The following MLLT3 variants were observed in gnomAD, a reference collection of about 807,000 sequenced individuals.
The protein encoded by MLLT3 is protein AF-9.
MLLT3 carries 4 observed loss-of-function variants against 53.2 expected under a neutral mutation model. The ratio of observed to expected loss-of-function variants is 0.08; its 90% CI spans 0.04 to 0.17. The LOEUF (loss-of-function observed/expected upper bound fraction) is 0.17. MLLT3 is among the 10% of genes least tolerant of loss of function. The pLI is 1.00. For missense variants in MLLT3, 569 were observed against 684.0 expected, an observed-to-expected ratio of 0.83 and a Z score of 1.87; for synonymous variants, 283 against 230.6, an observed-to-expected ratio of 1.23 and a Z score of -2.06.
chr9:20,510,212 A>T (rs564614439), intron 2 of MLLT3, among the ~76,000 whole-genome samples: 3 of 152,320 alleles, frequency 2.0e-5, no homozygotes, highest in Non-Finnish European at 4.4e-5. Context: ...AAGCAAAAAG[A>T]ATCCAAGAAG....
chr9:20,613,855 G>GTATACC (rs1046218116), intron 2 of MLLT3, among the ~76,000 whole-genome samples: 16 of 152,104 alleles, frequency 1.1e-4, no homozygotes, highest in African/African-American at 3.6e-4. Context: ...TTTTAACTCT[G>GTATACC]TATACCTTTT....
At chr9:20,539,180 C>A (rs1710589525) in intron 2 of MLLT3, among the ~76,000 whole-genome samples, 1 of 152,320 alleles carries the variant, frequency 6.6e-6, no homozygotes, top group East Asian at 1.9e-4. Flanking sequence ...ACAGATTTCC[C>A]TGTGGCATGT....
At chr9:20,369,213 G>C (rs1211266445) in intron 5 of MLLT3, among the ~76,000 whole-genome samples, 1 of 152,102 alleles carries the variant, frequency 6.6e-6, no homozygotes, top group Non-Finnish European at 1.5e-5. Flanking sequence ...GAATTAGCTG[G>C]GAGAAGCCTA....
At chr9:20,416,993 C>G (rs915906960) in intron 4 of MLLT3, among the ~76,000 whole-genome samples, 1 of 151,550 alleles carries the variant, frequency 6.6e-6, no homozygotes, top group Non-Finnish European at 1.5e-5. Flanking sequence ...GTCACTGACA[C>G]AGAATAAAAG....
chr9:20,622,041 G>A, intron 1 of MLLT3: 1 of 483,824 alleles, frequency 2.1e-6, no homozygotes, highest in Non-Finnish European at 2.6e-6. Context: ...GAGTGTGTGT[G>A]TGTCTGTGTG....
intron 2 of MLLT3, among the ~76,000 whole-genome samples, chr9:20,457,106 T>G (rs1010163211): frequency 2.6e-5 from 4 of 152,144 alleles, no homozygotes; most frequent in Non-Finnish European, 2.9e-5. Flanking sequence ...AAACTGATGA[T>G]TGCTCCCTAT....
chr9:20,408,249 G>A (rs146035294), intron 5 of MLLT3, among the ~76,000 whole-genome samples: 54 of 151,012 alleles, frequency 3.6e-4, no homozygotes, highest in African/African-American at 1.3e-3. Flanking sequence ...ACTGAAACAC[G>A]GAAACAAAAA....
In MLLT3 at chr9:20,620,638, T is replaced by G. The variant is rs774890401; in HGVS notation, c.193+16A>C. 5.3e-5 allele frequency: 85 copies of G among 1,610,308 alleles called. No homozygotes were observed. Among genetic ancestry groups the G allele is most frequent in the Non-Finnish European group, 7.0e-5 (83 of 1,177,476 alleles). On this transcript the variant is annotated intron_variant, in intron 2 of 10. Transcript: ENST00000380338. This position sits in a 1 kb window ranked among gnomAD's most constrained non-coding sequence, Gnocchi z 6.1. ...AAGACATTTTTTATCAAGACCCTTT[T>G]GTATTCGAGCCCTACCTCTTTTTGG...
In MLLT3 at chr9:20,507,880, A is replaced by G. The variant is rs147118487; in HGVS notation, c.194-51094T>C. Among the ~76,000 whole-genome samples, 30 of 152,304 alleles carry G rather than the reference A, an allele frequency of 2.0e-4. 1 individual carries two copies. In the East Asian group the frequency reaches 5.6e-3, roughly 28 times the overall value. Reference sequence around the variant, plus strand: ...ACAATAAGAATCTATAACAATCCAAATAAAGTATGCCTAAAATCATGATTA... The same window carrying G: ...ACAATAAGAATCTATAACAATCCAAGTAAAGTATGCCTAAAATCATGATTA... On this transcript the variant is annotated intron_variant, in intron 2 of 10. Transcript: ENST00000380338.
At chr9:20,446,141 T>A (rs1203576509) in intron 4 of MLLT3, among the ~76,000 whole-genome samples, 1 of 152,328 alleles carries the variant, frequency 6.6e-6, no homozygotes, top group South Asian at 2.1e-4. Context: ...TAATGAATTT[T>A]TAAATGCTTA....
At chr9:20,584,190 C>T (rs1281139892) in intron 2 of MLLT3, among the ~76,000 whole-genome samples, 1 of 152,196 alleles carries the variant, frequency 6.6e-6, no homozygotes, top group African/African-American at 2.4e-5. Flanking sequence ...TAACAAGAGT[C>T]ACCTTTGCTC....
chr9:20,551,409 C>T (rs968416094), intron 2 of MLLT3, among the ~76,000 whole-genome samples: 6 of 152,132 alleles, frequency 3.9e-5, no homozygotes, highest in Non-Finnish European at 7.4e-5. Context: ...TTTCATTTTC[C>T]CAACTTCCTT....
Position 20,457,691 on chromosome 9 carries a change from T to G in MLLT3, c.194-905A>C, listed in dbSNP as rs886251998. ...CCAATATACATGTAAACACTTAAGA[T>G]CTAATCACATCATAAGAATACATAA... On this transcript the variant is annotated intron_variant, in intron 2 of 10. Transcript: ENST00000380338. 3.9e-5 allele frequency among the ~76,000 whole-genome samples: 6 copies of G among 152,232 alleles called. 1 individual carries two copies. Among genetic ancestry groups the G allele is most frequent in the South Asian group, 4.2e-4 (2 of 4,818 alleles).
intron 2 of MLLT3, among the ~76,000 whole-genome samples, chr9:20,541,712 T>A (rs1237443340): frequency 1.3e-5 from 2 of 152,234 alleles, no homozygotes; most frequent in Non-Finnish European, 2.9e-5. Flanking sequence ...CCAAACCCTA[T>A]CAAGTAGCTT....
intron 2 of MLLT3, among the ~76,000 whole-genome samples, chr9:20,498,102 A>G (rs1026680743): frequency 6.6e-6 from 1 of 151,938 alleles, no homozygotes; most frequent in Admixed American, 6.6e-5. Flanking sequence ...ATGCACCTGT[A>G]GTCCCAGCAA....
Position 20,346,393 on chromosome 9 carries a change from A to AC in MLLT3, c.*49dup, listed in dbSNP as rs746782793. On this transcript the variant is annotated 3_prime_UTR_variant, in exon 11 of 11. Coordinates refer to ENST00000380338, the MANE Select transcript of MLLT3 (RefSeq NM_004529.4). ...AAAATCACAACCAAAAAAAAAAAAA[A>AC]CCAAAAAAAAAAAACACAATAGTTC... 1 of 1,333,828 alleles carries AC rather than the reference A, an allele frequency of 7.5e-7. No individual in the cohort carries two copies. The highest frequency in any genetic ancestry group is 1.0e-6 in the Non-Finnish European group (1 of 1,004,294). 82.6% of individuals were successfully genotyped at this position (1,333,828 alleles called of 1,614,324 possible). A position where few individuals can be genotyped will look rare whatever the true frequency, so the allele number is the denominator to read the frequency against.
At chr9:20,376,688 T>C (rs947908104) in intron 5 of MLLT3, among the ~76,000 whole-genome samples, 1 of 152,176 alleles carries the variant, frequency 6.6e-6, no homozygotes, top group African/African-American at 2.4e-5. Context: ...GGGATGGCTA[T>C]CATTTTCTTT....
intron 7 of MLLT3, among the ~76,000 whole-genome samples, chr9:20,362,363 G>C (rs1821345695): frequency 6.6e-6 from 1 of 152,190 alleles, no homozygotes; most frequent in Non-Finnish European, 1.5e-5. Context: ...CTAAACTTGA[G>C]AGCAGCCAGT....
Position 20,363,520 on chromosome 9 carries a change from A to G in MLLT3, c.1287T>C (p.Ser429=), listed in dbSNP as rs765977562. The G allele has an allele frequency of 6.2e-7, 1 of 1,614,134 alleles. No individual in the cohort carries two copies. The highest frequency in any genetic ancestry group is 1.1e-5 in the South Asian group (1 of 91,078). Residue 429 remains serine (S), a synonymous_variant, in exon 7 of 11, where the codon TCT becomes TCC. Transcript: ENST00000380338. ...SDEVEDNDND[S]EMERPVNRGG... is the part of the protein sequence containing the mutation. ...CTCTATTTACAGGCCTCTCCATTTC[A>G]GAGTCATTGTCGTTATCCTCCACTT...
Sources: gnomAD v4.1 joint callset for allele counts (sites outside exome capture counted in the v4.1 genomes callset) on GRCh38, gnomAD v4.1.1 for gene constraint, Gnocchi (gnomAD v3.1) non-coding constraint, MANE v1.5 for transcripts, NCBI Gene and HGNC (gene_info 2026-07-23, HGNC 2026-07-21) for gene names.